The following CEP43 variants were observed in gnomAD, a reference collection of about 807,000 sequenced individuals.
CEP43 encodes FGFR1 oncogene partner.
Under a neutral mutation model 52.6 loss-of-function variants are expected in CEP43, and 36 were observed. That is an observed-to-expected ratio of 0.68 (90% CI 0.52 to 0.90). CEP43 has a LOEUF of 0.90. Among genes scored for constraint, CEP43 ranks in the 40% least tolerant of loss-of-function variants. The probability of loss-of-function intolerance (pLI) is 0.00; values close to 1 mark genes in which losing one functional copy is unlikely to be tolerated. For synonymous variants in CEP43, 192 were observed against 172.4 expected (o/e 1.11, Z -0.89); for missense variants, 506 against 472.8 (o/e 1.07, Z -0.65).
At chr6:167,039,798 C>A in intron 12 of CEP43, 106 bp from the exon 13 acceptor site, 21 of 1,145,080 alleles carry the variant, frequency 1.8e-5, no homozygotes, top group Non-Finnish European at 2.7e-5. Context: ...TATGGCCATT[C>A]TTGCAGGAGT....
intron 12 of CEP43, chr6:167,036,201 C>T: frequency 1.0e-6 from 1 of 985,328 alleles, no homozygotes; most frequent in Non-Finnish European, 1.2e-6. Flanking sequence ...TAATATTTGA[C>T]CGGGATTTTG....
chr6:167,030,693 C>G (rs1343310625), intron 10 of CEP43, among the ~76,000 whole-genome samples: 2 of 152,166 alleles, frequency 1.3e-5, no homozygotes, highest in African/African-American at 4.8e-5. Flanking sequence ...AGCCTTTTAC[C>G]CCTGTTCTCT....
rs1270415239 is a variant in CEP43, at chr6:167,039,920, A to G, written c.1142A>G (p.Gln381Arg). The change falls in exon 13 of 13, where the codon CAA (glutamine) becomes CGA (arginine). Residue 381 changes from glutamine to arginine, a missense_variant. Physicochemically the swap from Gln to Arg is conservative, Grantham distance 43. Transcript: ENST00000366847. ...NTSDKLDDLT[Q>R]DLTVSQLSDV... ...ACAACAAAGCTTGATGACCTCACAC[A>G]AGATCTGACTGTATCCCAGCTCAGT... The G allele has an allele frequency of 6.2e-7, 1 of 1,613,778 alleles. No homozygotes were observed. Among genetic ancestry groups the G allele is most frequent in the Non-Finnish European group, 8.5e-7 (1 of 1,179,678 alleles).
chr6:167,048,664 GGGA>G lies in CEP43; in HGVS notation c.*8687_*8689del, dbSNP rs1158305340. 3 of 152,066 alleles carry G rather than the reference GGGA, an allele frequency of 2.0e-5. No homozygotes were observed. The highest frequency in any genetic ancestry group is 6.6e-5 in the Admixed American group (1 of 15,260). The allele number at this position is 152,066 out of a possible 1,614,324, so 9.4% of individuals were successfully genotyped here. A position where few individuals can be genotyped will look rare whatever the true frequency, so the allele number is the denominator to read the frequency against. On this transcript the variant is annotated 3_prime_UTR_variant, in exon 13 of 13. Transcript: ENST00000366847. Reference sequence around the variant, plus strand: ...TGATTTGACAGTGCAATTACTGAAGGGGAAGACACCATGCAAATACATGGTAAA... The same window carrying G: ...TGATTTGACAGTGCAATTACTGAAGGAGACACCATGCAAATACATGGTAAA...
Position 167,044,415 on chromosome 6 carries a change from A to C in CEP43, c.*4437A>C. ...AATCTTTATGTTTAGCAAGAAGACC[A>C]AGATGACAAGATGCGCCAGGAGACT... On this transcript the variant is annotated 3_prime_UTR_variant, in exon 13 of 13. Transcript: ENST00000366847. 1.0e-6 allele frequency: 1 copy of C among 985,454 alleles called. No homozygotes were observed. Among genetic ancestry groups the C allele is most frequent in the Non-Finnish European group, 1.2e-6 (1 of 829,918 alleles). 61.0% of individuals were successfully genotyped at this position (985,454 alleles called of 1,614,324 possible).
At chr6:167,009,827 C>G (rs959261686) in intron 5 of CEP43, among the ~76,000 whole-genome samples, 1 of 151,508 alleles carries the variant, frequency 6.6e-6, no homozygotes, top group Non-Finnish European at 1.5e-5. Flanking sequence ...CAGAGTGAGA[C>G]CCTGTTTCAA....
At chr6:167,006,793 G>T (rs1779864919) in intron 5 of CEP43, among the ~76,000 whole-genome samples, 1 of 152,158 alleles carries the variant, frequency 6.6e-6, no homozygotes, top group Non-Finnish European at 1.5e-5. Context: ...TTTAAGTTCA[G>T]TGTAGTCTGC....
chr6:167,041,543 C>CT lies in CEP43; in HGVS notation c.*1566dup. 9.5e-7 allele frequency: 1 copy of CT among 1,051,314 alleles called. No homozygotes were observed. Among genetic ancestry groups the CT allele is most frequent in the Non-Finnish European group, 1.1e-6 (1 of 870,462 alleles). The allele number at this position is 1,051,314 out of a possible 1,614,324, so 65.1% of individuals were successfully genotyped here. A position where few individuals can be genotyped will look rare whatever the true frequency, so the allele number is the denominator to read the frequency against. ...AAATGCATTTCTTTGTAAGTCATCTCTGTAAACAGTCACTTTCTAAAAGCA... is the reference window on the plus strand; with the variant it reads ...AAATGCATTTCTTTGTAAGTCATCTCTTGTAAACAGTCACTTTCTAAAAGCA... On this transcript the variant is annotated 3_prime_UTR_variant, in exon 13 of 13. Transcript: ENST00000366847.
At chr6:166,999,884 C>A in intron 1 of CEP43, 176 bp from the exon 2 acceptor site, 2 of 584,642 alleles carry the variant, frequency 3.4e-6, no homozygotes, top group South Asian at 2.2e-5. Flanking sequence ...CGCGTCCAGC[C>A]GAAGCCTGGG....
intron 9 of CEP43, among the ~76,000 whole-genome samples, chr6:167,025,605 A>G (rs1227514079): frequency 3.3e-5 from 5 of 152,258 alleles, no homozygotes; most frequent in Admixed American, 6.5e-5. Flanking sequence ...TGCGTTTTGC[A>G]TAATTGTCCA....
intron 2 of CEP43, 124 bp downstream of exon 2, chr6:167,000,237 A>G (rs1779703279): frequency 4.2e-6 from 3 of 716,122 alleles, no homozygotes; most frequent in Non-Finnish European, 4.5e-6. Context: ...ACTGTTAAGG[A>G]TTACATTACT....
intron 10 of CEP43, among the ~76,000 whole-genome samples, chr6:167,031,440 T>C (rs1249883098): frequency 6.6e-6 from 1 of 152,238 alleles, no homozygotes; most frequent in African/African-American, 2.4e-5. Context: ...AGATACCATC[T>C]TAGTCATTGC....
chr6:167,012,622 C>T (rs2128660483), intron 6 of CEP43, among the ~76,000 whole-genome samples: 1 of 152,238 alleles, frequency 6.6e-6, no homozygotes, highest in African/African-American at 2.4e-5. Flanking sequence ...AGCAAATTAG[C>T]AATCCTAACC....
Position 167,042,192 on chromosome 6 carries a change from A to G in CEP43, c.*2214A>G, listed in dbSNP as rs1321617074. On this transcript the variant is annotated 3_prime_UTR_variant, in exon 13 of 13. Transcript: ENST00000366847. ...ATGAAAAAGCTTTCTTTTCACATGT[A>G]CTTTTTGATTAGGTATTATCAACTT... is the stretch of plus-strand genomic sequence containing the variant. 9.9e-7 allele frequency: 1 copy of G among 1,006,752 alleles called. No individual in the cohort carries two copies. The highest frequency in any genetic ancestry group is 1.2e-6 in the Non-Finnish European group (1 of 841,626). 62.4% of individuals were successfully genotyped at this position (1,006,752 alleles called of 1,614,324 possible).
Position 167,040,573 on chromosome 6 carries a change from GT to G in CEP43, c.*596del. ...AGGTTATATTAAAGTACTCTTGTGT[GT>G]GCTATTTAGTTTTGCTTGTTTTAAA... On this transcript the variant is annotated 3_prime_UTR_variant, in exon 13 of 13. Transcript: ENST00000366847. 9.4e-7 allele frequency: 1 copy of G among 1,058,950 alleles called. No homozygotes were observed. The highest frequency in any genetic ancestry group is 1.1e-6 in the Non-Finnish European group (1 of 872,688). 65.6% of individuals were successfully genotyped at this position (1,058,950 alleles called of 1,614,324 possible).
At chr6:167,022,373 A>C (rs1583282574) in intron 7 of CEP43, 36 bp from the exon 8 acceptor site, 1 of 1,442,184 alleles carries the variant, frequency 6.9e-7, no homozygotes. Flanking sequence ...GTTTTATCTC[A>C]CCAAGGAGGC....
intron 6 of CEP43, chr6:167,011,644 C>A: frequency 6.5e-6 from 1 of 152,888 alleles, no homozygotes; most frequent in South Asian, 2.0e-4. Context: ...TGCCAAGTAC[C>A]ATAGATTGGG....
At chr6:167,037,634 T>C (rs1416471080) in intron 12 of CEP43, among the ~76,000 whole-genome samples, 2 of 152,258 alleles carry the variant, frequency 1.3e-5, no homozygotes, top group African/African-American at 4.8e-5. Context: ...AGGATTTTAC[T>C]TACAACTTAA....
chr6:167,010,964 G>A lies in CEP43; in HGVS notation c.519+71G>A, dbSNP rs927089716. ...AGAGTGCTCTGCTTTTCTCTCTCTA[G>A]TCTTTCTTGTTACAAGTTGTATTGT... On this transcript the variant is annotated intron_variant, in intron 6 of 12. Coordinates refer to ENST00000366847, the MANE Select transcript of CEP43 (RefSeq NM_007045.4). 6.1e-6 allele frequency: 5 copies of A among 815,832 alleles called. No individual in the cohort carries two copies. The South Asian group carries it at 9.9e-5, about 16-fold the overall frequency. 50.5% of individuals were successfully genotyped at this position (815,832 alleles called of 1,614,324 possible).
Sources: gnomAD v4.1 joint callset for allele counts (sites outside exome capture counted in the v4.1 genomes callset) on GRCh38, gnomAD v4.1.1 for gene constraint, MANE v1.5 for transcripts, NCBI Gene and HGNC (gene_info 2026-07-23, HGNC 2026-07-21) for gene names.